The following ZNF804B variants were observed in gnomAD, a reference collection of about 807,000 sequenced individuals.
The protein encoded by ZNF804B is zinc finger protein 804B.
Under a neutral mutation model 101.4 loss-of-function variants are expected in ZNF804B, and 80 were observed. The ratio of observed to expected loss-of-function variants is 0.79; its 90% CI spans 0.66 to 0.95. The LOEUF (loss-of-function observed/expected upper bound fraction) is 0.95, where lower values mean the gene tolerates loss of function less well. Ranked by LOEUF, ZNF804B falls within the 40% of genes least tolerant of loss-of-function variation. The pLI is 0.00. For missense variants in ZNF804B, 1,673 were observed against 1,561.9 expected (o/e 1.07, Z -1.20); for synonymous variants, 622 against 558.8 (o/e 1.11, Z -1.59).
intron 1 of ZNF804B, among the ~76,000 whole-genome samples, chr7:89,015,762 G>C (rs1480347617): frequency 6.6e-6 from 1 of 152,146 alleles, no homozygotes. Context: ...TTGGTTCCAA[G>C]TCTTTGCTAT....
At chr7:89,170,942 C>T (rs1291478287) in intron 1 of ZNF804B, among the ~76,000 whole-genome samples, 2 of 152,116 alleles carry the variant, frequency 1.3e-5, no homozygotes, top group African/African-American at 2.4e-5. Context: ...ACCTCTCAGC[C>T]CCAAAACAAA....
intron 1 of ZNF804B, among the ~76,000 whole-genome samples, chr7:88,807,892 C>T (rs1261386602): frequency 2.0e-5 from 3 of 152,198 alleles, no homozygotes; most frequent in African/African-American, 7.2e-5. Context: ...TTTTCTTCTT[C>T]ATTATTAAAT....
intron 1 of ZNF804B, among the ~76,000 whole-genome samples, chr7:88,809,863 T>G (rs904801700): frequency 3.9e-5 from 6 of 152,154 alleles, no homozygotes; most frequent in Admixed American, 6.5e-5. Flanking sequence ...GTGGCCATCT[T>G]CAATATCAGT....
At position 88,884,825 on chromosome 7, in the gene ZNF804B, T is replaced by C. The variant is rs552698402; in HGVS notation, c.108+124741T>C. ...CTTATATAGATAATTTTTATTTCAT[T>C]ATGAAATGAATTTTAACCAGAATTA... On this transcript the variant is annotated intron_variant, in intron 1 of 3. Coordinates refer to ENST00000333190, the MANE Select transcript of ZNF804B (RefSeq NM_181646.5). Among the ~76,000 whole-genome samples the C allele has an allele frequency of 6.0e-4, 91 of 152,038 alleles. 1 individual carries two copies. The highest frequency in any genetic ancestry group is 1.7e-3 in the African/African-American group (72 of 41,554).
intron 1 of ZNF804B, among the ~76,000 whole-genome samples, chr7:88,780,912 A>G (rs1028134288): frequency 6.6e-6 from 1 of 152,174 alleles, no homozygotes; most frequent in Admixed American, 6.5e-5. Context: ...ACTTTTACTT[A>G]TTTTATAATG....
At chr7:88,921,399 C>G (rs938290552) in intron 1 of ZNF804B, among the ~76,000 whole-genome samples, 2 of 152,000 alleles carry the variant, frequency 1.3e-5, no homozygotes, top group African/African-American at 4.8e-5. Context: ...ATTTTTGGCC[C>G]AGAGTAGTAG....
intron 1 of ZNF804B, among the ~76,000 whole-genome samples, chr7:89,026,908 A>G (rs990570792): frequency 1.3e-5 from 2 of 152,280 alleles, no homozygotes. Flanking sequence ...ACTGATTCAT[A>G]TTCAGAAATC....
At chr7:88,865,291 G>T (rs1480362467) in intron 1 of ZNF804B, among the ~76,000 whole-genome samples, 1 of 151,902 alleles carries the variant, frequency 6.6e-6, no homozygotes, top group Non-Finnish European at 1.5e-5. Flanking sequence ...CAGCACTTTG[G>T]GAGGCTGAGG....
intron 2 of ZNF804B, among the ~76,000 whole-genome samples, chr7:89,286,121 C>T (rs1237851963): frequency 6.6e-6 from 1 of 152,132 alleles, no homozygotes; most frequent in East Asian, 1.9e-4. Context: ...CCCAGAATCC[C>T]ATGAATTCAG....
intron 1 of ZNF804B, among the ~76,000 whole-genome samples, chr7:89,006,802 C>A (rs540503960): frequency 6.6e-6 from 1 of 152,064 alleles, no homozygotes; most frequent in East Asian, 1.9e-4. Flanking sequence ...AGCTCCTCTG[C>A]AAATGTAGAT....
At chr7:89,067,995 T>G (rs770843310) in intron 1 of ZNF804B, among the ~76,000 whole-genome samples, 2 of 151,006 alleles carry the variant, frequency 1.3e-5, no homozygotes, top group Non-Finnish European at 2.9e-5. Context: ...TTTTTGAGAG[T>G]GTTTATGTTA....
At position 89,335,275 on chromosome 7, in the gene ZNF804B, T is replaced by A. The variant is rs758003317; in HGVS notation, c.2293T>A (p.Leu765Met). 3.7e-6 allele frequency: 6 copies of A among 1,613,798 alleles called. No homozygotes were observed. The highest frequency in any genetic ancestry group is 5.1e-6 in the Non-Finnish European group (6 of 1,179,950). ...ATGTCTAAAGCACAACTGCTTCTAC[T>A]TGTCTGATGATATAACAAAGAGCAG... ...RKCLKHNCFY[L>M]SDDITKSSQM... Residue 765 changes from leucine to methionine, a missense_variant, in exon 4 of 4, where the codon TTG (leucine) becomes ATG (methionine). By Grantham distance (15) the Leu-to-Met change is conservative (BLOSUM62 2). Coordinates refer to ENST00000333190, the MANE Select transcript of ZNF804B (RefSeq NM_181646.5).
chr7:89,037,941 A>G (rs556049749), intron 1 of ZNF804B, among the ~76,000 whole-genome samples: 1 of 152,284 alleles, frequency 6.6e-6, no homozygotes, highest in Admixed American at 6.5e-5. Context: ...TTCACTTAGC[A>G]TAATGTCTTA....
intron 1 of ZNF804B, chr7:88,794,646 G>C (rs1298294768): frequency 1.9e-6 from 3 of 1,613,650 alleles, no homozygotes; most frequent in Non-Finnish European, 2.5e-6. Context: ...AGGACTCGAG[G>C]ATATGCAGAA....
At chr7:88,995,570 C>A (rs1287004568) in intron 1 of ZNF804B, among the ~76,000 whole-genome samples, 16 of 151,958 alleles carry the variant, frequency 1.1e-4, no homozygotes, top group Admixed American at 1.1e-3. Flanking sequence ...AGCATTCTCA[C>A]CTCCAGTTGG....
At chr7:89,154,244 A>C (rs1790920783) in intron 1 of ZNF804B, among the ~76,000 whole-genome samples, 1 of 152,198 alleles carries the variant, frequency 6.6e-6, no homozygotes, top group South Asian at 2.1e-4. Flanking sequence ...AATGCTAGTA[A>C]AGATGTATAG....
At chr7:88,824,800 G>C (rs1791030459) in intron 1 of ZNF804B, among the ~76,000 whole-genome samples, 1 of 152,128 alleles carries the variant, frequency 6.6e-6, no homozygotes, top group Admixed American at 6.6e-5. Flanking sequence ...GTTTGTCTTA[G>C]CCTTTATAAG....
intron 1 of ZNF804B, among the ~76,000 whole-genome samples, chr7:89,017,562 A>T (rs894444727): frequency 2.6e-5 from 4 of 152,104 alleles, no homozygotes; most frequent in Non-Finnish European, 5.9e-5. Flanking sequence ...GAAGAATATC[A>T]TTGGTATTTT....
intron 1 of ZNF804B, among the ~76,000 whole-genome samples, chr7:88,852,904 C>G (rs1281176629): frequency 6.6e-6 from 1 of 152,068 alleles, no homozygotes; most frequent in Non-Finnish European, 1.5e-5. Flanking sequence ...GCTCTCTTTT[C>G]TTGCTGAAAT....
Sources: gnomAD v4.1 joint callset for allele counts (sites outside exome capture counted in the v4.1 genomes callset) on GRCh38, gnomAD v4.1.1 for gene constraint, MANE v1.5 for transcripts, NCBI Gene and HGNC (gene_info 2026-07-23, HGNC 2026-07-21) for gene names.